The following PANX3 variants were observed in gnomAD, a reference collection of about 807,000 sequenced individuals.
The protein encoded by PANX3 is pannexin 3.
Under a neutral mutation model 31.5 loss-of-function variants are expected in PANX3, and 18 were observed. That is an observed-to-expected ratio of 0.57 (90% CI 0.39 to 0.85). The LOEUF is 0.85. Ranked by LOEUF, PANX3 falls within the 40% of genes least tolerant of loss-of-function variation. The pLI, the probability that PANX3 is intolerant of heterozygous loss-of-function variation, is 0.00. For missense variants in PANX3, 426 were observed against 485.4 expected (o/e 0.88, Z 1.15); for synonymous variants, 194 against 201.6 (o/e 0.96, Z 0.32).
intron 3 of PANX3, among the ~76,000 whole-genome samples, chr11:124,617,871 A>G (rs1863171739): frequency 6.6e-6 from 1 of 152,238 alleles, no homozygotes; most frequent in African/African-American, 2.4e-5. Flanking sequence ...GGTGACAGAA[A>G]CCTTCCACCA....
intron 2 of PANX3, among the ~76,000 whole-genome samples, chr11:124,614,777 A>G (rs908453262): frequency 6.8e-6 from 1 of 146,510 alleles, no homozygotes; most frequent in Non-Finnish European, 1.5e-5. Context: ...CCCAGGTTCA[A>G]GCGATTCTCC....
intron 2 of PANX3, 97 bp from the exon 3 acceptor site, chr11:124,617,177 G>A (rs918811925): frequency 2.0e-6 from 2 of 1,018,510 alleles, no homozygotes; most frequent in Middle Eastern, 3.1e-4. Context: ...TTCCCCTGCT[G>A]AGGCAGGAAC....
intron 2 of PANX3, 71 bp from the exon 3 acceptor site, chr11:124,617,203 C>A (rs1255216276): frequency 4.9e-6 from 6 of 1,220,762 alleles, no homozygotes; most frequent in Admixed American, 3.9e-5. Context: ...AAAGGAGAGC[C>A]CCTCAGTCAG....
chr11:124,617,258 T>C lies in PANX3; in HGVS notation c.325-16T>C, dbSNP rs755491734. 12 of 1,596,160 alleles carry C rather than the reference T, an allele frequency of 7.5e-6. No homozygotes were observed. Among genetic ancestry groups the C allele is most frequent in the South Asian group, 1.1e-5 (1 of 90,334 alleles). ...AGCAGCCCCGGCCTCCCTCCTCAGCTGCTCTCGCCCTGCAGGCCCTCCCCT... is the reference window on the plus strand; with the variant it reads ...AGCAGCCCCGGCCTCCCTCCTCAGCCGCTCTCGCCCTGCAGGCCCTCCCCT... On this transcript the variant is annotated splice_polypyrimidine_tract_variant and intron_variant, in intron 2 of 3. Transcript: ENST00000284288.
intron 3 of PANX3, 57 bp downstream of exon 3, chr11:124,617,545 C>T: frequency 1.3e-6 from 2 of 1,537,904 alleles, no homozygotes; most frequent in Non-Finnish European, 1.8e-6. Flanking sequence ...AAAATGATAA[C>T]TTTGCATAGT....
chr11:124,613,148 G>C, intron 2 of PANX3, 26 bp downstream of exon 2: 1 of 1,607,562 alleles, frequency 6.2e-7, no homozygotes, highest in Non-Finnish European at 8.5e-7. Context: ...TGTAAGGCCA[G>C]CTTCACGGCT....
rs1376640329 is a variant in PANX3 at position 124,616,473 on chromosome 11, C to A, written c.325-801C>A. Reference sequence around the variant, plus strand: ...TAACTAGTTGCATCCACAACAACCCCATTTCCAAATAAGGTTTCATTCTGA... The same window carrying A: ...TAACTAGTTGCATCCACAACAACCCAATTTCCAAATAAGGTTTCATTCTGA... On this transcript the variant is annotated intron_variant, in intron 2 of 3. Coordinates refer to ENST00000284288, the MANE Select transcript of PANX3 (RefSeq NM_052959.3). The surrounding 1 kb of genome is among the most constrained non-coding windows in gnomAD (Gnocchi z 4.8). Among the ~76,000 whole-genome samples the A allele has an allele frequency of 1.3e-5, 2 of 152,146 alleles. No individual in the cohort carries two copies. Among genetic ancestry groups the A allele is most frequent in the Admixed American group, 6.5e-5 (1 of 15,280 alleles).
rs1468205680 is a variant in PANX3, at chr11:124,616,416, C to T, written c.325-858C>T. Among the ~76,000 whole-genome samples, 1 of 152,038 alleles carries T rather than the reference C, an allele frequency of 6.6e-6. No homozygotes were observed. The highest frequency in any genetic ancestry group is 1.5e-5 in the Non-Finnish European group (1 of 68,000). On this transcript the variant is annotated intron_variant, in intron 2 of 3. Transcript: ENST00000284288. This position sits in a 1 kb window ranked among gnomAD's most constrained non-coding sequence, Gnocchi z 4.8. The stretch of plus-strand genomic sequence containing the variant: ...ACATCAGTCATAATGAATTGGAAGC[C>T]CACCCTATTCCAGTATGACCTCATT...
At position 124,611,565 on chromosome 11, in the gene PANX3, T is replaced by G; in HGVS notation, c.9T>G (p.Leu3=). 6.2e-7 allele frequency: 1 copy of G among 1,612,116 alleles called. No individual in the cohort carries two copies. The highest frequency in any genetic ancestry group is 1.3e-5 in the African/African-American group (1 of 75,022). The part of the protein sequence containing the change: MS[L]AHTAAEYMLS... ...CCAAGCTCAGCAGCATCATGTCACT[T>G]GCACACACAGCTGCAGAGTACATGC... Residue 3 remains leucine (L), a synonymous_variant, in exon 1 of 4, where the codon CTT becomes CTG. Transcript: ENST00000284288.
At chr11:124,617,228 G>A (rs765408263) in intron 2 of PANX3, 46 bp from the exon 3 acceptor site, 1 of 1,465,020 alleles carries the variant, frequency 6.8e-7, no homozygotes, top group Admixed American at 1.8e-5. Flanking sequence ...GTCACTCGGG[G>A]TCTCAGCAGC....
chr11:124,613,863 G>T (rs1286259737), intron 2 of PANX3, among the ~76,000 whole-genome samples: 1 of 152,052 alleles, frequency 6.6e-6, no homozygotes, highest in African/African-American at 2.4e-5. Context: ...CCATGAACTG[G>T]TGTCTTCTAT....
At position 124,617,128 on chromosome 11, in the gene PANX3, CAG is replaced by C. The variant is rs980194659; in HGVS notation, c.325-145_325-144del. 27 of 682,154 alleles carry C rather than the reference CAG, an allele frequency of 4.0e-5. No individual in the cohort carries two copies. In the Admixed American group the frequency reaches 5.8e-4, roughly 15 times the overall value. 42.3% of individuals were successfully genotyped at this position (682,154 alleles called of 1,614,324 possible). On this transcript the variant is annotated intron_variant, in intron 2 of 3. Coordinates refer to ENST00000284288, the MANE Select transcript of PANX3 (RefSeq NM_052959.3). The stretch of plus-strand genomic sequence containing the variant: ...ACTCAGCCAGGTCAGTAGGGTGCCT[CAG>C]GGGCTGAGCCTGGGCTAGCCCATTC...
At position 124,619,855 on chromosome 11, in the gene PANX3, G is replaced by T; in HGVS notation, c.1099G>T (p.Asp367Tyr). ...TQKHNIDTVVDFMTLLAGLEP... is the reference protein window; with the variant it reads ...TQKHNIDTVVYFMTLLAGLEP... ...GAAGCACAATATTGACACAGTAGTT[G>T]ATTTTATGACTTTATTGGCTGGCTT... The change falls in exon 4 of 4, where the codon GAT becomes TAT. Residue 367 changes from aspartate (D) to tyrosine (Y), a missense_variant. Coordinates refer to ENST00000284288, the MANE Select transcript of PANX3 (RefSeq NM_052959.3). 1 of 1,614,052 alleles carries T rather than the reference G, an allele frequency of 6.2e-7. No individual in the cohort carries two copies.
At position 124,619,967 on chromosome 11, in the gene PANX3, A is replaced by C; in HGVS notation, c.*32A>C. 1 of 1,557,766 alleles carries C rather than the reference A, an allele frequency of 6.4e-7. No homozygotes were observed. The highest frequency in any genetic ancestry group is 8.7e-7 in the Non-Finnish European group (1 of 1,155,546). The stretch of plus-strand genomic sequence containing the variant: ...AACCATGGAGCAAGAAAGCTTGTGG[A>C]AAGTCTCTCTCCTTCCTCATAAGAC... On this transcript the variant is annotated 3_prime_UTR_variant, in exon 4 of 4. Transcript: ENST00000284288.
intron 3 of PANX3, 77 bp downstream of exon 3, chr11:124,617,565 A>G (rs1161406401): frequency 3.6e-6 from 5 of 1,387,738 alleles, no homozygotes; most frequent in Admixed American, 3.4e-5. Flanking sequence ...TCATCTTTAA[A>G]TGATCTTCCA....
intron 1 of PANX3, 86 bp downstream of exon 1, chr11:124,611,823 C>T (rs946970852): frequency 1.6e-5 from 22 of 1,401,560 alleles, no homozygotes; most frequent in African/African-American, 4.3e-5. Flanking sequence ...ATGGTGCGCA[C>T]AGTGACGGGA....
At position 124,611,536 on chromosome 11, in the gene PANX3, AC is replaced by A; in HGVS notation, c.-16del. Reference sequence around the variant, plus strand: ...CCAGGACCCCTGCTGCCACCTCTGCACCCCCAAGCTCAGCAGCATCATGTCA... The same window carrying A: ...CCAGGACCCCTGCTGCCACCTCTGCACCCCAAGCTCAGCAGCATCATGTCA... On this transcript the variant is annotated 5_prime_UTR_variant, in exon 1 of 4. Transcript: ENST00000284288. 1 of 1,582,714 alleles carries A rather than the reference AC, an allele frequency of 6.3e-7. No individual in the cohort carries two copies. The highest frequency in any genetic ancestry group is 8.6e-7 in the Non-Finnish European group (1 of 1,159,672).
In PANX3 at chr11:124,619,759, G is replaced by A. The variant is rs1863195836; in HGVS notation, c.1003G>A (p.Ala335Thr). 2 of 1,613,998 alleles carry A rather than the reference G, an allele frequency of 1.2e-6. No individual in the cohort carries two copies. The highest frequency in any genetic ancestry group is 1.7e-5 in the Admixed American group (1 of 59,996). The change falls in exon 4 of 4, where the codon GCT (alanine) becomes ACT (threonine). Residue 335 changes from alanine (A) to threonine (T), a missense_variant. Transcript: ENST00000284288. ...DLNVILLFLR[A>T]NISELISFSW... Reference sequence around the variant, plus strand: ...CAATGTGATCCTTCTTTTCCTCCGAGCTAACATCTCTGAGCTCATCTCTTT... The same window carrying A: ...CAATGTGATCCTTCTTTTCCTCCGAACTAACATCTCTGAGCTCATCTCTTT...
At position 124,619,528 on chromosome 11, in the gene PANX3, C is replaced by G. The variant is rs200475096; in HGVS notation, c.772C>G (p.Leu258Val). 1 of 1,614,218 alleles carries G rather than the reference C, an allele frequency of 6.2e-7. No homozygotes were observed. The highest frequency in any genetic ancestry group is 8.5e-7 in the Non-Finnish European group (1 of 1,180,036). ...AAGTGATGAGACCCATGTCCCCAAT[C>G]TGATCACATGCAGGCTGACATCACT... ...LLSDETHVPN[L>V]ITCRLTSLSI... The change falls in exon 4 of 4, where the codon CTG becomes GTG. Residue 258 changes from leucine to valine, a missense_variant. Physicochemically the swap from Leu to Val is conservative, Grantham distance 32 (BLOSUM62 1). Transcript: ENST00000284288.
Sources: allele counts gnomAD v4.1 joint callset (sites outside exome capture counted in the v4.1 genomes callset), GRCh38; gene constraint gnomAD v4.1.1; non-coding constraint Gnocchi (gnomAD v3.1); transcripts MANE v1.5; gene names NCBI Gene and HGNC (gene_info 2026-07-23, HGNC 2026-07-21).